The following INTS1 variants were observed in gnomAD, a reference collection of about 807,000 sequenced individuals.
INTS1 encodes integrator complex subunit 1.
Under a neutral mutation model 241.6 loss-of-function variants are expected in INTS1, and 137 were observed. The observed-to-expected ratio is 0.57, with a 90% CI of 0.49 to 0.65. The LOEUF is 0.65. INTS1 is among the 30% of genes least tolerant of loss of function. The probability of loss-of-function intolerance (pLI) is 0.00; values close to 1 mark genes in which losing one functional copy is unlikely to be tolerated. For synonymous variants in INTS1, 1,692 were observed against 1,337.8 expected, an observed-to-expected ratio of 1.26 and a Z score of -5.78; for missense variants, 3,073 against 3,032.2, an observed-to-expected ratio of 1.01 and a Z score of -0.32.
intron 29 of INTS1, 22 bp downstream of exon 29, chr7:1,480,813 T>C (rs751432211): frequency 5.2e-6 from 8 of 1,535,596 alleles, no homozygotes; most frequent in South Asian, 1.2e-5. Context: ...GTCTCTGTGC[T>C]GGCCCCACCC....
At chr7:1,471,399 G>C (rs1584252969) in intron 45 of INTS1, among the ~76,000 whole-genome samples, 172 bp downstream of exon 45, 1 of 152,296 alleles carries the variant, frequency 6.6e-6, no homozygotes, top group African/African-American at 2.4e-5. Flanking sequence ...AGGCAGGCCT[G>C]CTCTGGCGGC....
intron 26 of INTS1, chr7:1,483,216 G>T (rs1306964539): frequency 5.6e-5 from 12 of 215,148 alleles, no homozygotes; most frequent in Non-Finnish European, 1.0e-4. Flanking sequence ...ACACAACGGG[G>T]TGAACGTGGG....
At chr7:1,486,436 T>C (rs562025212) in intron 22 of INTS1, among the ~76,000 whole-genome samples, 189 bp downstream of exon 22, 27 of 151,952 alleles carry the variant, frequency 1.8e-4, no homozygotes, top group African/African-American at 6.0e-4. Context: ...GCTAATTTTT[T>C]CTATTTTTAA....
At chr7:1,483,135 C>G (rs530922418) in intron 26 of INTS1, 1 of 214,932 alleles carries the variant, frequency 4.7e-6, no homozygotes, top group Non-Finnish European at 9.4e-6. Context: ...TGCCTCCCAA[C>G]AGGGGTCACC....
chr7:1,477,280 G>A (rs1207104021), intron 35 of INTS1, among the ~76,000 whole-genome samples: 4 of 152,184 alleles, frequency 2.6e-5, no homozygotes, highest in Non-Finnish European at 4.4e-5. Flanking sequence ...GGGTTTGGCA[G>A]GGCCGACCCC....
chr7:1,477,827 A>C lies in INTS1; in HGVS notation c.4740T>G (p.Val1580=), dbSNP rs780608236. ...GCAGCAGCAGGGAGCTCACCACCAC[A>C]ACGGGCTTACAGGCTGGAAACGGGG... ...AASPFPACKP[V]VVVSSLLLQE... Residue 1580 remains valine, a synonymous_variant, in exon 34 of 48, where the codon GTT becomes GTG. Transcript: ENST00000404767. The C allele has an allele frequency of 6.2e-7, 1 of 1,612,568 alleles. No homozygotes were observed. The highest frequency in any genetic ancestry group is 1.7e-5 in the Admixed American group (1 of 60,010).
chr7:1,470,462 C>T lies in INTS1; in HGVS notation c.*115G>A, dbSNP rs915048990. On this transcript the variant is annotated 3_prime_UTR_variant, in exon 48 of 48. Coordinates refer to ENST00000404767, the MANE Select transcript of INTS1 (RefSeq NM_001080453.3). ...CCTGGGCCTGCCTGGCCTCAGGGCT[C>T]GGCGCCCTCACCTCCTCGGACAGAC... 1.9e-5 allele frequency: 15 copies of T among 788,232 alleles called. No homozygotes were observed. The highest frequency in any genetic ancestry group is 1.2e-4 in the East Asian group (4 of 33,284). 48.8% of individuals were successfully genotyped at this position (788,232 alleles called of 1,614,324 possible).
chr7:1,503,632 T>C (rs749327891), intron 2 of INTS1, among the ~76,000 whole-genome samples: 8 of 152,154 alleles, frequency 5.3e-5, no homozygotes, highest in Non-Finnish European at 1.5e-5. Context: ...GCCTCCTGGC[T>C]GGGGAGACCT....
rs1317791542 is a variant in INTS1 at position 1,476,983 on chromosome 7, G to A, written c.4939-65C>T. On this transcript the variant is annotated intron_variant, in intron 35 of 47. Coordinates refer to ENST00000404767, the MANE Select transcript of INTS1 (RefSeq NM_001080453.3). ...CCAATGGCAGGCTCTGCTGAAGTCA[G>A]CTGACAGCTTCCCCAATGAGCCACT... is the stretch of plus-strand genomic sequence containing the variant. 1.4e-5 allele frequency: 21 copies of A among 1,543,040 alleles called. No individual in the cohort carries two copies. In the African/African-American group the frequency reaches 1.9e-4, roughly 14 times the overall value.
intron 39 of INTS1, 98 bp from the exon 40 acceptor site, chr7:1,474,936 T>A: frequency 6.9e-7 from 1 of 1,453,576 alleles, no homozygotes; most frequent in South Asian, 1.3e-5. Flanking sequence ...ATCCACCGCG[T>A]GGCACGCCAT....
intron 31 of INTS1, 132 bp downstream of exon 31, chr7:1,479,298 G>T: frequency 2.7e-6 from 3 of 1,098,404 alleles, no homozygotes; most frequent in Non-Finnish European, 3.8e-6. Flanking sequence ...ACTCCCTGGG[G>T]CACTGTCCTT....
At chr7:1,483,647 A>G in intron 26 of INTS1, 95 bp downstream of exon 26, 1 of 959,582 alleles carries the variant, frequency 1.0e-6, no homozygotes, top group Non-Finnish European at 1.6e-6. Context: ...CTTCCCGCCC[A>G]GAAGCAAGGC....
At chr7:1,472,847 G>T (rs76791117) in intron 43 of INTS1, among the ~76,000 whole-genome samples, 4,084 of 151,748 alleles carry the variant, frequency 0.027, 208 homozygotes, top group African/African-American at 0.094. Flanking sequence ...CCATTTGCCG[G>T]GGCGGGGCGA....
At chr7:1,484,207 A>G (rs1256992999) in intron 24 of INTS1, 37 bp from the exon 25 acceptor site, 3 of 1,583,406 alleles carry the variant, frequency 1.9e-6, no homozygotes, top group East Asian at 2.3e-5. Flanking sequence ...AGGCTCCGAG[A>G]CAGCTCTGCT....
chr7:1,502,868 G>A (rs987701771), intron 3 of INTS1, 33 bp downstream of exon 3: 19 of 1,610,004 alleles, frequency 1.2e-5, no homozygotes, highest in Non-Finnish European at 1.5e-5. Context: ...TGAGCTGAGG[G>A]GTGTTCTCGG....
Position 1,498,277 on chromosome 7 carries a change from G to T in INTS1, c.1425+135C>A. On this transcript the variant is annotated intron_variant, in intron 10 of 47. Transcript: ENST00000404767. The stretch of plus-strand genomic sequence containing the variant: ...CCTCATGCCCACGTGAGTTTCAAAA[G>T]CTCCTTCCCGAGACCGAGGAGCATT... 4 of 1,371,204 alleles carry T rather than the reference G, an allele frequency of 2.9e-6. No homozygotes were observed. In the South Asian group the frequency reaches 4.1e-5, roughly 14 times the overall value. The allele number at this position is 1,371,204 out of a possible 1,614,324, so 84.9% of individuals were successfully genotyped here.
intron 44 of INTS1, 177 bp downstream of exon 44, chr7:1,472,096 G>A (rs570726831): frequency 7.6e-5 from 46 of 604,790 alleles, no homozygotes; most frequent in Non-Finnish European, 1.3e-4. Flanking sequence ...GGGCCCCTGA[G>A]TTTCTAAGGC....
chr7:1,503,638 G>A (rs1306439371), intron 2 of INTS1, among the ~76,000 whole-genome samples: 1 of 152,170 alleles, frequency 6.6e-6, no homozygotes, highest in East Asian at 1.9e-4. Context: ...TGGCTGGGGA[G>A]ACCTTCCGCT....
chr7:1,500,211 T>C lies in INTS1; in HGVS notation c.505A>G (p.Lys169Glu). 2 of 1,603,620 alleles carry C rather than the reference T, an allele frequency of 1.2e-6. No individual in the cohort carries two copies. Among genetic ancestry groups the C allele is most frequent in the Non-Finnish European group, 1.7e-6 (2 of 1,173,796 alleles). ...TLYLSLMYLAKIKPNIFATEG... is the reference protein window; with the variant it reads ...TLYLSLMYLAEIKPNIFATEG... ...GTGGCGAAGATGTTGGGCTTGATCT[T>C]GGCCAGGTACATGAGGCTCAGGTAG... Residue 169 changes from lysine to glutamate, a missense_variant, in exon 4 of 48, where the codon AAG becomes GAG. Physicochemically the swap from Lys to Glu is moderately conservative, Grantham distance 56 (BLOSUM62 1). Transcript: ENST00000404767.
Sources: allele counts gnomAD v4.1 joint callset (sites outside exome capture counted in the v4.1 genomes callset), GRCh38; gene constraint gnomAD v4.1.1; transcripts MANE v1.5; gene names NCBI Gene and HGNC (gene_info 2026-07-23, HGNC 2026-07-21).